Variants in DNER observed in about 807,000 individuals in gnomAD.
DNER encodes delta/notch like EGF repeat containing.
In DNER, 33 loss-of-function variants were observed where a neutral mutation model predicts 78.2. The ratio of observed to expected loss-of-function variants is 0.42; its 90% CI spans 0.32 to 0.56. The LOEUF is 0.56. Among genes scored for constraint, DNER ranks in the 20% least tolerant of loss-of-function variants. DNER has a pLI of 0.11. For synonymous variants in DNER, 417 were observed against 384.8 expected (o/e 1.08, Z -0.98); for missense variants, 918 against 975.3 (o/e 0.94, Z 0.78).
At chr2:229,480,176 T>G (rs1247746957) in intron 6 of DNER, among the ~76,000 whole-genome samples, 2 of 152,204 alleles carry the variant, frequency 1.3e-5, no homozygotes, top group Non-Finnish European at 2.9e-5. Flanking sequence ...TACTTAAACA[T>G]AGAGAGATGA....
chr2:229,534,693 G>T (rs1696371149), intron 5 of DNER, among the ~76,000 whole-genome samples: 1 of 152,054 alleles, frequency 6.6e-6, no homozygotes, highest in Non-Finnish European at 1.5e-5. Context: ...AGACATTAAA[G>T]AAATTTGTAA....
intron 7 of DNER, among the ~76,000 whole-genome samples, chr2:229,455,037 A>G (rs1694542076): frequency 1.3e-5 from 2 of 152,162 alleles, no homozygotes; most frequent in Admixed American, 6.5e-5. Flanking sequence ...AATGACCACT[A>G]GAAAAGGAAT....
At position 229,411,510 on chromosome 2, in the gene DNER, T is replaced by G. The variant is rs367865173; in HGVS notation, c.1610-4165A>C. On this transcript the variant is annotated intron_variant, in intron 9 of 12. Transcript: ENST00000341772. ...AGACAGAAGTTGCAGTGAGCCAAGA[T>G]AGCGCCATTGCACTCCAGCCTGGGT... Among the ~76,000 whole-genome samples, 6 of 152,056 alleles carry G rather than the reference T, an allele frequency of 3.9e-5. No individual in the cohort carries two copies. The South Asian group carries it at 6.2e-4, about 16-fold the overall frequency.
At chr2:229,396,420 A>T (rs757999484) in intron 10 of DNER, among the ~76,000 whole-genome samples, 1 of 152,232 alleles carries the variant, frequency 6.6e-6, no homozygotes, top group Non-Finnish European at 1.5e-5. Flanking sequence ...TTTAGAGGCT[A>T]TTTAAAGTTT....
chr2:229,386,645 A>C (rs570266995), intron 11 of DNER, among the ~76,000 whole-genome samples: 30 of 151,910 alleles, frequency 2.0e-4, no homozygotes, highest in African/African-American at 6.3e-4. Flanking sequence ...ACAAACAACC[A>C]CATCAAAAAG....
chr2:229,708,473 G>C (rs531423568), intron 1 of DNER, among the ~76,000 whole-genome samples: 2 of 152,328 alleles, frequency 1.3e-5, no homozygotes, highest in South Asian at 2.1e-4. Context: ...AAGAAATTCT[G>C]TCTGCAAACC....
At chr2:229,652,270 A>G (rs952752356) in intron 1 of DNER, among the ~76,000 whole-genome samples, 3 of 152,242 alleles carry the variant, frequency 2.0e-5, no homozygotes, top group Non-Finnish European at 2.9e-5. Context: ...AGACTCCTCA[A>G]CTCTCCGAGA....
intron 1 of DNER, among the ~76,000 whole-genome samples, chr2:229,654,672 G>A (rs889817574): frequency 1.3e-5 from 2 of 152,164 alleles, no homozygotes; most frequent in South Asian, 2.1e-4. Context: ...TGTCACACAA[G>A]TCTCAATTTG....
intron 10 of DNER, among the ~76,000 whole-genome samples, chr2:229,390,543 G>T (rs570831645): frequency 6.6e-6 from 1 of 152,282 alleles, no homozygotes; most frequent in South Asian, 2.1e-4. Context: ...TCTGTTCTTG[G>T]GATCCACTAG....
intron 1 of DNER, among the ~76,000 whole-genome samples, chr2:229,607,550 T>C (rs1477740197): frequency 6.6e-6 from 1 of 152,120 alleles, no homozygotes; most frequent in African/African-American, 2.4e-5. Flanking sequence ...AAATGAGAGA[T>C]GAAAGGACCA....
At chr2:229,366,478 T>G (rs1692348947) in intron 12 of DNER, among the ~76,000 whole-genome samples, 1 of 152,212 alleles carries the variant, frequency 6.6e-6, no homozygotes, top group Non-Finnish European at 1.5e-5. Flanking sequence ...TCTTTATCCT[T>G]CTTTTGCTAG....
At chr2:229,529,045 T>C (rs1696257432) in intron 5 of DNER, among the ~76,000 whole-genome samples, 1 of 152,202 alleles carries the variant, frequency 6.6e-6, no homozygotes, top group African/African-American at 2.4e-5. Context: ...ATTGTTCTTC[T>C]GGTAGAAAAT....
chr2:229,673,331 T>C (rs1157588078), intron 1 of DNER, among the ~76,000 whole-genome samples: 1 of 151,856 alleles, frequency 6.6e-6, no homozygotes, highest in Non-Finnish European at 1.5e-5. Context: ...CTACAGCTCA[T>C]CCTGACATCA....
intron 5 of DNER, among the ~76,000 whole-genome samples, chr2:229,531,243 T>A (rs1696293866): frequency 6.6e-6 from 1 of 152,036 alleles, no homozygotes. Context: ...TTTCCAGGAG[T>A]GCTGCTCTCA....
Position 229,407,359 on chromosome 2 carries a change from A to C in DNER, c.1610-14T>G, listed in dbSNP as rs546987133. The C allele has an allele frequency of 3.1e-6, 5 of 1,608,976 alleles. No individual in the cohort carries two copies. In the African/African-American group the frequency reaches 4.0e-5, roughly 13 times the overall value. ...CACAGTGTGTTCCTGCAGAGAAACA[A>C]GCAAAACAGGATGACTCATCCAGGA... On this transcript the variant is annotated splice_polypyrimidine_tract_variant and intron_variant, in intron 9 of 12. Coordinates refer to ENST00000341772, the MANE Select transcript of DNER (RefSeq NM_139072.4).
intron 7 of DNER, among the ~76,000 whole-genome samples, chr2:229,472,318 C>T (rs1169763495): frequency 3.3e-5 from 5 of 152,176 alleles, no homozygotes; most frequent in African/African-American, 1.2e-4. Flanking sequence ...GAAGGTGGTT[C>T]CGTTTGACCA....
intron 1 of DNER, among the ~76,000 whole-genome samples, chr2:229,670,654 T>C (rs114844819): frequency 0.015 from 2,214 of 152,294 alleles, 55 homozygotes; most frequent in African/African-American, 0.051. Flanking sequence ...AAGAGAAAAG[T>C]GCTTACACTT....
chr2:229,549,288 A>T (rs1236964147), intron 4 of DNER, among the ~76,000 whole-genome samples: 1 of 152,164 alleles, frequency 6.6e-6, no homozygotes, highest in Non-Finnish European at 1.5e-5. Flanking sequence ...TGTGTACAAA[A>T]AAATTATATT....
chr2:229,560,943 C>T (rs1184677285), intron 4 of DNER, among the ~76,000 whole-genome samples: 1 of 152,168 alleles, frequency 6.6e-6, no homozygotes, highest in Non-Finnish European at 1.5e-5. Flanking sequence ...ATGCCTCCAT[C>T]ACTGAAGAAT....
Sources: gnomAD v4.1 joint callset for allele counts (sites outside exome capture counted in the v4.1 genomes callset) on GRCh38, gnomAD v4.1.1 for gene constraint, MANE v1.5 for transcripts, NCBI Gene and HGNC (gene_info 2026-07-23, HGNC 2026-07-21) for gene names.